Variants in NBEA observed in about 807,000 individuals in gnomAD.
The protein encoded by NBEA is lysosomal-trafficking regulator 2.
A neutral mutation model predicts 343.4 loss-of-function variants in NBEA; 44 were observed. The ratio of observed to expected loss-of-function variants is 0.13; its 90% CI spans 0.10 to 0.16. The LOEUF is 0.16. NBEA is among the 10% of genes least tolerant of loss of function. The pLI is 1.00. For synonymous variants in NBEA, 1,175 were observed against 1,238.7 expected (o/e 0.95, Z 1.08); for missense variants, 2,555 against 3,631.3 (o/e 0.70, Z 7.62).
chr13:35,211,707 C>T (rs932201943), intron 33 of NBEA, among the ~76,000 whole-genome samples: 5 of 151,700 alleles, frequency 3.3e-5, no homozygotes, highest in African/African-American at 1.2e-4. Flanking sequence ...CCCAGCCACT[C>T]GGGAGGGAGG....
intron 1 of NBEA, among the ~76,000 whole-genome samples, chr13:35,036,861 T>C (rs1397639858): frequency 2.6e-5 from 4 of 152,162 alleles, no homozygotes; most frequent in Non-Finnish European, 5.9e-5. Flanking sequence ...GCTTGATTAC[T>C]AAATGTCTTG....
intron 40 of NBEA, among the ~76,000 whole-genome samples, chr13:35,466,489 A>C (rs750176452): frequency 6.6e-6 from 1 of 152,096 alleles, no homozygotes; most frequent in Non-Finnish European, 1.5e-5. Flanking sequence ...TCCTGTAACT[A>C]TTTCCATGCA....
At chr13:35,273,310 AC>A (rs754880820) in intron 34 of NBEA, among the ~76,000 whole-genome samples, 4 of 152,212 alleles carry the variant, frequency 2.6e-5, no homozygotes, top group Non-Finnish European at 5.9e-5. Flanking sequence ...ACCAATGAGA[AC>A]AAAGACTCAA....
intron 17 of NBEA, among the ~76,000 whole-genome samples, chr13:35,128,198 C>A (rs2067229462): frequency 6.6e-6 from 1 of 150,972 alleles, no homozygotes; most frequent in Non-Finnish European, 1.5e-5. Context: ...AACTAACCTG[C>A]ACATTGTGCA....
At chr13:35,610,806 C>A (rs7328438) in intron 48 of NBEA, among the ~76,000 whole-genome samples, 4,811 of 151,806 alleles carry the variant, frequency 0.032, 282 homozygotes, top group African/African-American at 0.11. Flanking sequence ...TAATAAAGGA[C>A]TAGGATCTAA....
chr13:35,354,387 G>C (rs1410833167), intron 38 of NBEA, among the ~76,000 whole-genome samples: 3 of 152,128 alleles, frequency 2.0e-5, no homozygotes, highest in Non-Finnish European at 4.4e-5. Context: ...GCAGTACATG[G>C]TTTGGGTTTT....
At chr13:35,319,974 A>G (rs1286813400) in intron 36 of NBEA, among the ~76,000 whole-genome samples, 6 of 150,674 alleles carry the variant, frequency 4.0e-5, no homozygotes, top group Admixed American at 6.6e-5. Context: ...CTTTATTTTG[A>G]GTCTATATGT....
chr13:35,450,857 A>G (rs1470704134), intron 39 of NBEA, among the ~76,000 whole-genome samples: 1 of 152,196 alleles, frequency 6.6e-6, no homozygotes, highest in Non-Finnish European at 1.5e-5. Context: ...GAAGTATTTC[A>G]TGTCTGTGGT....
chr13:35,522,255 G>C (rs1316145493), intron 41 of NBEA, among the ~76,000 whole-genome samples: 1 of 151,948 alleles, frequency 6.6e-6, no homozygotes, highest in East Asian at 1.9e-4. Flanking sequence ...ATCACCTGAG[G>C]TCAGGAGATC....
At chr13:35,655,035 A>T (rs759981876) in intron 54 of NBEA, 25 bp downstream of exon 54, 2 of 1,452,580 alleles carry the variant, frequency 1.4e-6, no homozygotes, top group African/African-American at 2.9e-5. Flanking sequence ...GAAACACCAT[A>T]TTCTCTTCAA....
intron 1 of NBEA, among the ~76,000 whole-genome samples, chr13:35,014,139 A>G (rs2061573174): frequency 7.3e-6 from 1 of 136,596 alleles, no homozygotes; most frequent in African/African-American, 2.5e-5. Flanking sequence ...GTTATTAGCA[A>G]AAAAACTTTT....
chr13:35,424,395 T>C (rs1241461654), intron 38 of NBEA, among the ~76,000 whole-genome samples: 1 of 152,244 alleles, frequency 6.6e-6, no homozygotes, highest in Non-Finnish European at 1.5e-5. Flanking sequence ...TTTCTTCATC[T>C]ATTGAGATAA....
rs570119669 is a variant in NBEA at position 35,249,789 on chromosome 13, A to C, written c.5776+17170A>C. On this transcript the variant is annotated intron_variant, in intron 34 of 58. Transcript: ENST00000379939. ...ATTATTTGCGACCTACATTTATAGC[A>C]GCAGTATTAACAAATGGTCAAGTCG... Among the ~76,000 whole-genome samples the C allele has an allele frequency of 2.0e-5, 3 of 152,332 alleles. No individual in the cohort carries two copies. In the South Asian group the frequency reaches 6.2e-4, roughly 32 times the overall value.
intron 4 of NBEA, 141 bp downstream of exon 4, chr13:35,045,542 T>C: frequency 1.6e-6 from 1 of 627,242 alleles, no homozygotes; most frequent in Non-Finnish European, 2.6e-6. Context: ...CACTACTATA[T>C]AATGATTTGA....
chr13:35,163,634 T>A (rs1283345377), intron 23 of NBEA, among the ~76,000 whole-genome samples: 2 of 148,924 alleles, frequency 1.3e-5, no homozygotes, highest in Admixed American at 6.7e-5. Flanking sequence ...AAAAAAAAAA[T>A]TATATTCTTG....
chr13:35,234,047 A>G (rs531213348), intron 34 of NBEA, among the ~76,000 whole-genome samples: 4 of 152,288 alleles, frequency 2.6e-5, no homozygotes, highest in African/African-American at 9.6e-5. Context: ...CCCTAAAATG[A>G]TAGAAAGATG....
chr13:35,581,318 C>G (rs1163197365), intron 45 of NBEA, among the ~76,000 whole-genome samples: 5 of 152,024 alleles, frequency 3.3e-5, no homozygotes, highest in African/African-American at 4.8e-5. Flanking sequence ...GCCATTCTAA[C>G]TGGTGTGAGA....
intron 7 of NBEA, among the ~76,000 whole-genome samples, chr13:35,057,628 A>G (rs1472316779): frequency 6.6e-6 from 1 of 152,108 alleles, no homozygotes; most frequent in Non-Finnish European, 1.5e-5. Context: ...ATTAGAATAC[A>G]CAGATGAAAT....
intron 41 of NBEA, among the ~76,000 whole-genome samples, chr13:35,519,719 A>G (rs1375555862): frequency 1.3e-5 from 2 of 152,196 alleles, no homozygotes; most frequent in Non-Finnish European, 2.9e-5. Flanking sequence ...ACAATGTGTA[A>G]TGATCAAATC....
Sources: allele counts gnomAD v4.1 joint callset (sites outside exome capture counted in the v4.1 genomes callset), GRCh38; gene constraint gnomAD v4.1.1; transcripts MANE v1.5; gene names NCBI Gene and HGNC (gene_info 2026-07-23, HGNC 2026-07-21).